The following NR3C2 variants were observed in gnomAD, a reference collection of about 807,000 sequenced individuals.
The protein encoded by NR3C2 is mineralocorticoid receptor.
A neutral mutation model predicts 86.4 loss-of-function variants in NR3C2; 15 were observed. The ratio of observed to expected loss-of-function variants is 0.17; its 90% confidence interval spans 0.12 to 0.27. The LOEUF (loss-of-function observed/expected upper bound fraction) is 0.27, where lower values mean the gene tolerates loss of function less well. NR3C2 is among the 10% of genes least tolerant of loss of function. The pLI is 1.00. For missense variants in NR3C2, 960 were observed against 1,195.6 expected (o/e 0.80, Z 2.91); for synonymous variants, 458 against 450.5 (o/e 1.02, Z -0.21).
At chr4:148,399,592 A>T (rs895334720) in intron 2 of NR3C2, among the ~76,000 whole-genome samples, 1 of 151,242 alleles carries the variant, frequency 6.6e-6, no homozygotes, top group South Asian at 2.1e-4. Flanking sequence ...GAAAATAAAA[A>T]TTTTCAAGAT....
intron 2 of NR3C2, among the ~76,000 whole-genome samples, chr4:148,403,127 T>C (rs759342443): frequency 3.3e-5 from 5 of 152,090 alleles, no homozygotes; most frequent in Non-Finnish European, 7.4e-5. Flanking sequence ...GAAAGTGTAT[T>C]ACCCAAATAG....
At chr4:148,163,581 C>T (rs566270895) in intron 4 of NR3C2, among the ~76,000 whole-genome samples, 19 of 151,812 alleles carry the variant, frequency 1.3e-4, no homozygotes, top group Admixed American at 2.6e-4. Flanking sequence ...CTCTCTTCTC[C>T]GCTCTATCCC....
chr4:148,203,250 G>A lies in NR3C2; in HGVS notation c.1898-8388C>T, dbSNP rs569565776. Among the ~76,000 whole-genome samples, 3 of 151,822 alleles carry A rather than the reference G, an allele frequency of 2.0e-5. No homozygotes were observed. The East Asian group carries it at 5.8e-4, about 29-fold the overall frequency. On this transcript the variant is annotated intron_variant, in intron 3 of 8. Transcript: ENST00000358102. ...AGAGCACCAAACTGGCTGCAAGTAC[G>A]TCTTCACTAACTACCCCGGTCGATA...
intron 2 of NR3C2, among the ~76,000 whole-genome samples, chr4:148,312,495 TTGTC>T (rs1053502535): frequency 2.6e-5 from 4 of 152,200 alleles, no homozygotes; most frequent in South Asian, 2.1e-4. Context: ...ATAGCACTGA[TTGTC>T]TGTCTGACTC....
chr4:148,213,467 C>T (rs1047138645), intron 3 of NR3C2, among the ~76,000 whole-genome samples: 3 of 152,134 alleles, frequency 2.0e-5, no homozygotes, highest in Non-Finnish European at 4.4e-5. Flanking sequence ...TAATAACTTA[C>T]TCACAATTCA....
At chr4:148,320,772 T>C (rs968465995) in intron 2 of NR3C2, among the ~76,000 whole-genome samples, 1 of 151,368 alleles carries the variant, frequency 6.6e-6, no homozygotes, top group African/African-American at 2.4e-5. Flanking sequence ...CTCTCTTTTT[T>C]TCTTTATTAG....
In NR3C2 at chr4:148,200,378, T is replaced by C. The variant is rs114990420; in HGVS notation, c.1898-5516A>G. On this transcript the variant is annotated intron_variant, in intron 3 of 8. Coordinates refer to ENST00000358102, the MANE Select transcript of NR3C2 (RefSeq NM_000901.5). ...CCCACACAGCCCCCTTCCCGCCTGC[T>C]ATATGCCCAATTTTAAAGCTACAAG... Among the ~76,000 whole-genome samples, 365 of 135,090 alleles carry C rather than the reference T, an allele frequency of 2.7e-3. 3 individuals carry two copies. The highest frequency in any genetic ancestry group is 9.3e-3 in the African/African-American group (337 of 36,320). 88.6% of individuals were successfully genotyped at this position (135,090 alleles called of 152,430 possible).
At chr4:148,117,362 T>C (rs1732317187) in intron 7 of NR3C2, among the ~76,000 whole-genome samples, 1 of 152,206 alleles carries the variant, frequency 6.6e-6, no homozygotes, top group South Asian at 2.1e-4. Context: ...TCTGCGATTT[T>C]GCCTTTTGGA....
chr4:148,305,391 A>G (rs1269012644), intron 2 of NR3C2, among the ~76,000 whole-genome samples: 2 of 152,116 alleles, frequency 1.3e-5, no homozygotes, highest in African/African-American at 4.8e-5. Flanking sequence ...TTTTCCCAAG[A>G]GACGTAGAGT....
upstream of NR3C2, chr4:148,444,566 G>T (rs1387038580): frequency 3.9e-5 from 39 of 987,992 alleles, 1 homozygote; most frequent in Non-Finnish European, 4.6e-5. Context: ...CGGGGGAAGG[G>T]GAACGGCTAG....
intron 8 of NR3C2, among the ~76,000 whole-genome samples, chr4:148,095,182 CAATA>C (rs1731226489): frequency 7.2e-5 from 11 of 152,286 alleles, no homozygotes; most frequent in African/African-American, 2.6e-4. Flanking sequence ...GTATATTCCA[CAATA>C]AATATTAATT....
At chr4:148,345,200 A>T (rs1561054406) in intron 2 of NR3C2, among the ~76,000 whole-genome samples, 1 of 152,154 alleles carries the variant, frequency 6.6e-6, no homozygotes, top group Non-Finnish European at 1.5e-5. Flanking sequence ...AAAAGTAGAA[A>T]TGTGTAACAA....
At chr4:148,235,435 T>G (rs1289463506) in intron 3 of NR3C2, among the ~76,000 whole-genome samples, 1 of 152,058 alleles carries the variant, frequency 6.6e-6, no homozygotes, top group Non-Finnish European at 1.5e-5. Flanking sequence ...TACTATTTTA[T>G]CTTCTTTTGT....
At chr4:148,090,936 G>A (rs1731031385) in intron 8 of NR3C2, among the ~76,000 whole-genome samples, 3 of 152,230 alleles carry the variant, frequency 2.0e-5, no homozygotes, top group Admixed American at 2.0e-4. Flanking sequence ...GCATTGGCCT[G>A]GCAGCCGGGG....
intron 8 of NR3C2, among the ~76,000 whole-genome samples, chr4:148,098,470 A>G (rs1731391975): frequency 6.7e-6 from 1 of 149,310 alleles, no homozygotes. Flanking sequence ...AATGCACAAA[A>G]ATGCAAAAAA....
At chr4:148,253,250 C>A (rs1254128989) in intron 3 of NR3C2, among the ~76,000 whole-genome samples, 1 of 152,168 alleles carries the variant, frequency 6.6e-6, no homozygotes, top group Non-Finnish European at 1.5e-5. Flanking sequence ...AAACCAGATT[C>A]CCTCAATATC....
intron 2 of NR3C2, among the ~76,000 whole-genome samples, chr4:148,294,964 G>C (rs1741975666): frequency 6.6e-6 from 1 of 152,090 alleles, no homozygotes; most frequent in African/African-American, 2.4e-5. Flanking sequence ...TCCCACCTGG[G>C]AGACAGAGTG....
chr4:148,133,307 T>C (rs928839834), intron 6 of NR3C2, among the ~76,000 whole-genome samples: 4 of 152,148 alleles, frequency 2.6e-5, no homozygotes, highest in Non-Finnish European at 5.9e-5. Context: ...AATTTAATGA[T>C]ATGCAGATCT....
At chr4:148,164,958 A>G (rs577126382) in intron 4 of NR3C2, among the ~76,000 whole-genome samples, 1 of 152,258 alleles carries the variant, frequency 6.6e-6, no homozygotes, top group African/African-American at 2.4e-5. Context: ...TGTGCCAGGA[A>G]GGGCCCTGTG....
Sources: gnomAD v4.1 joint callset for allele counts (sites outside exome capture counted in the v4.1 genomes callset) on GRCh38, gnomAD v4.1.1 for gene constraint, MANE v1.5 for transcripts, NCBI Gene and HGNC (gene_info 2026-07-23, HGNC 2026-07-21) for gene names.